Variants in FBXL14 observed in about 807,000 individuals in gnomAD.
FBXL14 encodes the protein F-box/LRR-repeat protein 14.
Under a neutral mutation model 24.5 loss-of-function variants are expected in FBXL14, and 11 were observed. The observed-to-expected ratio is 0.45, with a 90% CI of 0.28 to 0.74. The LOEUF (loss-of-function observed/expected upper bound fraction) is 0.74, where lower values mean the gene tolerates loss of function less well. Ranked by LOEUF, FBXL14 falls within the 30% of genes least tolerant of loss-of-function variation. The pLI, the probability that FBXL14 is intolerant of heterozygous loss-of-function variation, is 0.12. For synonymous variants in FBXL14, 294 were observed against 240.4 expected (o/e 1.22, Z -2.06); for missense variants, 384 against 545.6 (o/e 0.70, Z 2.95).
At chr12:1,576,068 G>A (rs1231696164) in intron 1 of FBXL14, among the ~76,000 whole-genome samples, 2 of 152,142 alleles carry the variant, frequency 1.3e-5, no homozygotes. Flanking sequence ...CTACGACAGC[G>A]GGAGGAAACC....
chr12:1,575,849 G>A (rs2094454877), intron 1 of FBXL14, among the ~76,000 whole-genome samples: 1 of 152,154 alleles, frequency 6.6e-6, no homozygotes, highest in African/African-American at 2.4e-5. Flanking sequence ...CTGGATCCTG[G>A]GGTCAGGTTT....
At chr12:1,572,168 GATAGAGC>G (rs1292706838) in intron 1 of FBXL14, among the ~76,000 whole-genome samples, 1 of 152,242 alleles carries the variant, frequency 6.6e-6, no homozygotes, top group African/African-American at 2.4e-5. Flanking sequence ...GATAGGCAAG[GATAGAGC>G]ATTTTAGGTG....
intron 1 of FBXL14, 145 bp from the exon 2 acceptor site, chr12:1,566,955 T>A: frequency 1.6e-6 from 1 of 606,536 alleles, no homozygotes; most frequent in Non-Finnish European, 3.0e-6. Context: ...GCCAGCCCAC[T>A]CTAGCCATCT....
Position 1,583,028 on chromosome 12 carries a change from G to A in FBXL14, c.1194+9845C>T, listed in dbSNP as rs149325845. Among the ~76,000 whole-genome samples, 282 of 151,854 alleles carry A rather than the reference G, an allele frequency of 1.9e-3. 1 individual carries two copies. Among genetic ancestry groups the A allele is most frequent in the Middle Eastern group, 6.8e-3 (2 of 294 alleles). Reference sequence around the variant, plus strand: ...GTCACACAAGCAACTTTACTTCTTCGTCAGGGCTGTTATTATTTTCATCTT... The same window carrying A: ...GTCACACAAGCAACTTTACTTCTTCATCAGGGCTGTTATTATTTTCATCTT... On this transcript the variant is annotated intron_variant, in intron 1 of 1. Transcript: ENST00000339235.
chr12:1,567,652 G>A lies in FBXL14; in HGVS notation c.1195-842C>T, dbSNP rs965616030. ...AATGTGAGGGGCTGTAATGGATAAAGTAGGCAGCATGCAGGAACAGGTGCG... is the reference window on the plus strand; with the variant it reads ...AATGTGAGGGGCTGTAATGGATAAAATAGGCAGCATGCAGGAACAGGTGCG... On this transcript the variant is annotated intron_variant, in intron 1 of 1. Coordinates refer to ENST00000339235, the MANE Select transcript of FBXL14 (RefSeq NM_152441.3). This position sits in a 1 kb window ranked among gnomAD's most constrained non-coding sequence, Gnocchi z 4.8. 1.3e-5 allele frequency among the ~76,000 whole-genome samples: 2 copies of A among 152,348 alleles called. No homozygotes were observed. The highest frequency in any genetic ancestry group is 1.5e-5 in the Non-Finnish European group (1 of 68,038).
chr12:1,591,903 G>C (rs771710701), intron 1 of FBXL14, among the ~76,000 whole-genome samples: 5 of 152,006 alleles, frequency 3.3e-5, no homozygotes, highest in Non-Finnish European at 5.9e-5. Context: ...AAAAACAACG[G>C]TTCAACTCTC....
rs376652993 is a variant in FBXL14, at chr12:1,594,001, G to T, written c.66C>A (p.Val22=). ...CCTGCGCCGCGCGCCCCTTGTCCCGGACGTCCAGGTAGCCGAAGATCATGG... is the reference window on the plus strand; with the variant it reads ...CCTGCGCCGCGCGCCCCTTGTCCCGTACGTCCAGGTAGCCGAAGATCATGG... ...LLAMIFGYLD[V]RDKGRAAQVC... is the part of the protein sequence containing the mutation. The change falls in exon 1 of 2, where the codon GTC becomes GTA. Residue 22 remains valine (V), a synonymous_variant. Transcript: ENST00000339235. 80 of 1,582,376 alleles carry T rather than the reference G, an allele frequency of 5.1e-5. No individual in the cohort carries two copies. The highest frequency in any genetic ancestry group is 6.6e-5 in the Non-Finnish European group (77 of 1,172,438).
At chr12:1,587,191 C>T (rs2094478440) in intron 1 of FBXL14, among the ~76,000 whole-genome samples, 1 of 143,350 alleles carries the variant, frequency 7.0e-6, no homozygotes, top group Non-Finnish European at 1.5e-5. Flanking sequence ...GAGCCAAGAT[C>T]GTGCCATTGC....
intron 1 of FBXL14, among the ~76,000 whole-genome samples, chr12:1,568,338 A>G (rs1367556588): frequency 1.3e-5 from 2 of 152,196 alleles, no homozygotes; most frequent in Admixed American, 6.5e-5. Context: ...AAAGGAGAAT[A>G]AAGACTTTTT....
At chr12:1,570,201 G>C (rs2094443002) in intron 1 of FBXL14, among the ~76,000 whole-genome samples, 1 of 152,078 alleles carries the variant, frequency 6.6e-6, no homozygotes, top group Non-Finnish European at 1.5e-5. Context: ...GACATGAGGA[G>C]CTACTGATCA....
intron 1 of FBXL14, among the ~76,000 whole-genome samples, chr12:1,591,218 A>C (rs1367396460): frequency 6.6e-6 from 1 of 152,024 alleles, no homozygotes; most frequent in Admixed American, 6.6e-5. Context: ...CCATGAGTTG[A>C]CTCACCCCCA....
chr12:1,576,318 G>A (rs2094455837), intron 1 of FBXL14, among the ~76,000 whole-genome samples: 1 of 152,172 alleles, frequency 6.6e-6, no homozygotes, highest in African/African-American at 2.4e-5. Flanking sequence ...GGCAGTGTCA[G>A]TCACTGAGTG....
rs1230957177 is a variant in FBXL14 at position 1,593,050 on chromosome 12, C to T, written c.1017G>A (p.Gln339=). The stretch of plus-strand genomic sequence containing the variant: ...GGCCCTTGTCCGTGATGCGCACACA[C>T]TGTCCAATGTTGAGCGTGCGCAGCC... ...MHGLRTLNIG[Q]CVRITDKGLE... is the part of the protein sequence containing the mutation. Residue 339 remains glutamine, a synonymous_variant, in exon 1 of 2, where the codon CAG becomes CAA. Coordinates refer to ENST00000339235, the MANE Select transcript of FBXL14 (RefSeq NM_152441.3). This position sits in a 1 kb window ranked among gnomAD's most constrained non-coding sequence, Gnocchi z 7.4. 6 of 1,612,488 alleles carry T rather than the reference C, an allele frequency of 3.7e-6. No individual in the cohort carries two copies. The South Asian group carries it at 5.5e-5, about 15-fold the overall frequency.
At chr12:1,588,310 C>A (rs1285948069) in intron 1 of FBXL14, among the ~76,000 whole-genome samples, 2 of 152,164 alleles carry the variant, frequency 1.3e-5, no homozygotes, top group African/African-American at 2.4e-5. Flanking sequence ...GTAACCACTT[C>A]AGGAAAGCAG....
At chr12:1,592,149 G>A (rs936272972) in intron 1 of FBXL14, among the ~76,000 whole-genome samples, 12 of 146,748 alleles carry the variant, frequency 8.2e-5, no homozygotes, top group African/African-American at 3.0e-4. Context: ...CAGGGCTTCA[G>A]AAAAAAAGTA....
At chr12:1,578,689 C>T (rs748586805) in intron 1 of FBXL14, among the ~76,000 whole-genome samples, 4 of 151,908 alleles carry the variant, frequency 2.6e-5, no homozygotes, top group East Asian at 3.8e-4. Context: ...ATGTTAAAAG[C>T]GCAGAGAAGC....
At chr12:1,591,363 T>TTC (rs1555152069) in intron 1 of FBXL14, among the ~76,000 whole-genome samples, 5 of 150,664 alleles carry the variant, frequency 3.3e-5, no homozygotes, top group Admixed American at 1.3e-4. Flanking sequence ...TTTTTTTTTT[T>TTC]CAAAAACATA....
intron 1 of FBXL14, among the ~76,000 whole-genome samples, chr12:1,591,507 GTTTC>G (rs1324230376): frequency 2.0e-5 from 3 of 152,004 alleles, no homozygotes; most frequent in Non-Finnish European, 2.9e-5. Context: ...AGGTCTCTGG[GTTTC>G]TTTAACTCCA....
intron 1 of FBXL14, among the ~76,000 whole-genome samples, chr12:1,573,420 C>T (rs756407375): frequency 1.3e-5 from 2 of 152,178 alleles, no homozygotes; most frequent in Non-Finnish European, 2.9e-5. Context: ...GGACAGGGTG[C>T]CTCGTAGAAG....
Sources: allele counts gnomAD v4.1 joint callset (sites outside exome capture counted in the v4.1 genomes callset), GRCh38; gene constraint gnomAD v4.1.1; non-coding constraint Gnocchi (gnomAD v3.1); transcripts MANE v1.5; gene names NCBI Gene and HGNC (gene_info 2026-07-23, HGNC 2026-07-21).